SENP7: variants seen among roughly 807,000 people sequenced by gnomAD.
SENP7 encodes the protein SUMO specific peptidase 7.
A neutral mutation model predicts 141.2 loss-of-function variants in SENP7; 64 were observed. The observed-to-expected ratio is 0.45, with a 90% CI of 0.37 to 0.56. The LOEUF (loss-of-function observed/expected upper bound fraction) is 0.56. SENP7 is among the 20% of genes least tolerant of loss of function. The pLI, the probability that SENP7 is intolerant of heterozygous loss-of-function variation, is 0.00. For missense variants in SENP7, 1,025 were observed against 1,212.2 expected, an observed-to-expected ratio of 0.85 and a Z score of 2.29; for synonymous variants, 382 against 426.4, an observed-to-expected ratio of 0.90 and a Z score of 1.28.
intron 4 of SENP7, among the ~76,000 whole-genome samples, chr3:101,429,306 T>C (rs1009070060): frequency 9.2e-5 from 14 of 152,216 alleles, no homozygotes; most frequent in African/African-American, 3.4e-4. Context: ...TTCACAATAC[T>C]GATTCTTCCT....
chr3:101,503,801 G>T (rs2065484052), intron 1 of SENP7, among the ~76,000 whole-genome samples: 1 of 151,972 alleles, frequency 6.6e-6, no homozygotes, highest in Non-Finnish European at 1.5e-5. Context: ...ACAAAAATTA[G>T]CTGAGTGTGG....
rs572201092 is a variant in SENP7 at position 101,495,146 on chromosome 3, CA to C, written c.91-1179del. ...CAAACAGTTCTTAAAGGAAGACACACATGTGGCCGACATCACTGATCATTAG... is the reference window on the plus strand; with the variant it reads ...CAAACAGTTCTTAAAGGAAGACACACTGTGGCCGACATCACTGATCATTAG... On this transcript the variant is annotated intron_variant, in intron 2 of 23. Transcript: ENST00000394095. 8.1e-4 allele frequency among the ~76,000 whole-genome samples: 123 copies of C among 152,016 alleles called. 1 individual carries two copies. Among genetic ancestry groups the C allele is most frequent in the Admixed American group, 2.5e-3 (38 of 15,260 alleles).
At chr3:101,443,229 T>C (rs1035107567) in intron 4 of SENP7, among the ~76,000 whole-genome samples, 4 of 152,224 alleles carry the variant, frequency 2.6e-5, no homozygotes, top group African/African-American at 9.6e-5. Flanking sequence ...TTGCTTGTTT[T>C]TGTTAGGTTT....
chr3:101,352,550 A>G (rs1225065371), intron 11 of SENP7, among the ~76,000 whole-genome samples: 12 of 152,012 alleles, frequency 7.9e-5, no homozygotes, highest in Non-Finnish European at 1.6e-4. Flanking sequence ...AGCTGCTTTT[A>G]TAATAGGGTT....
chr3:101,498,385 T>C (rs945534720), intron 2 of SENP7, among the ~76,000 whole-genome samples: 3 of 152,152 alleles, frequency 2.0e-5, no homozygotes, highest in African/African-American at 7.2e-5. Context: ...ATCACTATCA[T>C]GTACCCCCTG....
At chr3:101,349,704 A>T (rs1283025498) in intron 12 of SENP7, among the ~76,000 whole-genome samples, 1 of 152,154 alleles carries the variant, frequency 6.6e-6, no homozygotes, top group Non-Finnish European at 1.5e-5. Context: ...TTAAAAAAAG[A>T]TTATCTTTTT....
At chr3:101,334,466 T>C (rs1354032506) in intron 17 of SENP7, among the ~76,000 whole-genome samples, 1 of 152,006 alleles carries the variant, frequency 6.6e-6, no homozygotes, top group Non-Finnish European at 1.5e-5. Flanking sequence ...TCAAGTCATA[T>C]AGGAAACTGA....
At chr3:101,444,678 T>G (rs552697159) in intron 4 of SENP7, among the ~76,000 whole-genome samples, 75 of 134,770 alleles carry the variant, frequency 5.6e-4, no homozygotes, top group African/African-American at 2.1e-3. Context: ...CACTCATAGG[T>G]GGGAATTGAA....
intron 4 of SENP7, among the ~76,000 whole-genome samples, chr3:101,456,966 GTTTTGTTTTGTTTT>G (rs1559856085): frequency 1.4e-5 from 2 of 144,012 alleles, no homozygotes; most frequent in Non-Finnish European, 3.2e-5. Context: ...GTTTTGTTTT[GTTTTGTTTTGTTTT>G]GTTTTACTAG....
chr3:101,449,389 C>T (rs1264009114), intron 4 of SENP7, among the ~76,000 whole-genome samples: 6 of 152,016 alleles, frequency 3.9e-5, no homozygotes, highest in African/African-American at 1.2e-4. Context: ...AGATACTCCT[C>T]GAGAAGAGCA....
intron 11 of SENP7, among the ~76,000 whole-genome samples, chr3:101,353,731 T>C (rs2059668684): frequency 6.6e-6 from 1 of 152,016 alleles, no homozygotes; most frequent in African/African-American, 2.4e-5. Flanking sequence ...ATTGCAGCAT[T>C]TGCTACACTA....
chr3:101,457,810 C>T (rs1017190363), intron 4 of SENP7: 18 of 591,486 alleles, frequency 3.0e-5, no homozygotes, highest in Admixed American at 3.0e-5. Context: ...TGAGATTAGG[C>T]GCACACATGC....
intron 4 of SENP7, among the ~76,000 whole-genome samples, chr3:101,428,534 T>C (rs1445787005): frequency 6.6e-6 from 1 of 152,236 alleles, no homozygotes; most frequent in African/African-American, 2.4e-5. Context: ...CACCTACTTT[T>C]TGATGAGGTT....
chr3:101,340,445 G>A, intron 15 of SENP7: 1 of 452,236 alleles, frequency 2.2e-6, no homozygotes, highest in Non-Finnish European at 3.8e-6. Flanking sequence ...ATGTGGGCTA[G>A]TCTTAATAGG....
chr3:101,380,444 C>G (rs925531506), intron 6 of SENP7, among the ~76,000 whole-genome samples: 4 of 106,970 alleles, frequency 3.7e-5, no homozygotes, highest in African/African-American at 3.1e-5. Flanking sequence ...CGCCCCCCCC[C>G]CCACACACAC....
At chr3:101,427,799 C>T (rs938459547) in intron 4 of SENP7, among the ~76,000 whole-genome samples, 3 of 151,940 alleles carry the variant, frequency 2.0e-5, no homozygotes, top group Non-Finnish European at 4.4e-5. Context: ...TGCACTCATC[C>T]ACTCATCATT....
intron 6 of SENP7, among the ~76,000 whole-genome samples, chr3:101,387,162 ACAAT>A (rs1300374665): frequency 1.3e-5 from 2 of 152,160 alleles, no homozygotes; most frequent in African/African-American, 4.8e-5. Flanking sequence ...GCCCACATGC[ACAAT>A]CAGAGAGCAT....
chr3:101,423,711 A>G (rs1005117400), intron 4 of SENP7, among the ~76,000 whole-genome samples: 9 of 152,152 alleles, frequency 5.9e-5, no homozygotes, highest in African/African-American at 1.9e-4. Flanking sequence ...CACAGAAGCT[A>G]GGCTGAAGAG....
At chr3:101,417,865 T>G (rs917417136) in intron 4 of SENP7, 75 bp from the exon 5 acceptor site, 2 of 1,205,750 alleles carry the variant, frequency 1.7e-6, no homozygotes, top group African/African-American at 3.0e-5. Flanking sequence ...CAAACTAATA[T>G]CTCCAGAAAC....
Sources: gnomAD v4.1 joint callset for allele counts (sites outside exome capture counted in the v4.1 genomes callset) on GRCh38, gnomAD v4.1.1 for gene constraint, MANE v1.5 for transcripts, NCBI Gene and HGNC (gene_info 2026-07-23, HGNC 2026-07-21) for gene names.